The following SGCZ variants were observed in gnomAD, a reference collection of about 807,000 sequenced individuals.
SGCZ encodes the protein sarcoglycan zeta.
SGCZ carries 40 observed loss-of-function variants against 41.3 expected under a neutral mutation model. The ratio of observed to expected loss-of-function variants is 0.97; its 90% CI spans 0.75 to 1.26. SGCZ has a LOEUF of 1.26. Ranked by LOEUF, SGCZ falls within the 50% of genes most tolerant of loss-of-function variation. SGCZ has a pLI of 0.00. For synonymous variants in SGCZ, 206 were observed against 137.5 expected, an observed-to-expected ratio of 1.50 and a Z score of -3.49; for missense variants, 552 against 369.8, an observed-to-expected ratio of 1.49 and a Z score of -4.04.
chr8:15,202,839 G>A (rs1360784392), intron 1 of SGCZ, among the ~76,000 whole-genome samples: 1 of 152,104 alleles, frequency 6.6e-6, no homozygotes. Context: ...GGCCGGGCCT[G>A]GTGGCTCACA....
At chr8:14,930,354 G>A (rs1449876289) in intron 1 of SGCZ, among the ~76,000 whole-genome samples, 1 of 152,040 alleles carries the variant, frequency 6.6e-6, no homozygotes, top group Non-Finnish European at 1.5e-5. Flanking sequence ...TCGAGAGGAT[G>A]TGGAGAAATG....
intron 1 of SGCZ, among the ~76,000 whole-genome samples, chr8:14,641,143 C>G (rs746189438): frequency 6.6e-6 from 1 of 151,614 alleles, no homozygotes; most frequent in Non-Finnish European, 1.5e-5. Flanking sequence ...CTTCCAAAGA[C>G]TCTTTCCCCA....
At chr8:14,989,722 GA>G (rs1335278344) in intron 1 of SGCZ, among the ~76,000 whole-genome samples, 2 of 152,176 alleles carry the variant, frequency 1.3e-5, no homozygotes, top group African/African-American at 4.8e-5. Flanking sequence ...GTCACGAGCA[GA>G]AATGAGTGTT....
chr8:14,862,964 T>C (rs1487973795), intron 1 of SGCZ, among the ~76,000 whole-genome samples: 1 of 152,126 alleles, frequency 6.6e-6, no homozygotes, highest in Non-Finnish European at 1.5e-5. Flanking sequence ...AGTTGACTTA[T>C]AACTTGTGGC....
At chr8:14,852,741 T>C (rs1273603935) in intron 1 of SGCZ, among the ~76,000 whole-genome samples, 1 of 152,198 alleles carries the variant, frequency 6.6e-6, no homozygotes, top group African/African-American at 2.4e-5. Context: ...CAGGACCATA[T>C]TAAGGAAACA....
intron 1 of SGCZ, among the ~76,000 whole-genome samples, chr8:14,708,780 G>C (rs993687061): frequency 1.3e-5 from 2 of 151,102 alleles, no homozygotes; most frequent in African/African-American, 4.9e-5. Flanking sequence ...TATGGCTTCA[G>C]TAAGAACACA....
intron 3 of SGCZ, among the ~76,000 whole-genome samples, chr8:14,263,702 C>T (rs2117241662): frequency 6.6e-6 from 1 of 152,252 alleles, no homozygotes; most frequent in South Asian, 2.1e-4. Flanking sequence ...TGCCAAGGTA[C>T]CCTCACAAGA....
chr8:14,575,922 A>AAAAAAAAAAAAAG (rs1804695802), intron 1 of SGCZ, among the ~76,000 whole-genome samples: 1 of 150,830 alleles, frequency 6.6e-6, no homozygotes, highest in Non-Finnish European at 1.5e-5. Context: ...ACAAAAAAAA[A>AAAAAAAAAAAAAG]AAAAAAAAAA....
intron 1 of SGCZ, among the ~76,000 whole-genome samples, chr8:14,890,482 C>A (rs1362554081): frequency 6.6e-6 from 1 of 152,142 alleles, no homozygotes; most frequent in Non-Finnish European, 1.5e-5. Context: ...CCTGACTCTG[C>A]AATTCTATGA....
intron 2 of SGCZ, among the ~76,000 whole-genome samples, chr8:14,398,009 G>C (rs919017521): frequency 6.6e-6 from 1 of 152,190 alleles, no homozygotes; most frequent in East Asian, 1.9e-4. Context: ...TGCTATTTAA[G>C]TTAATGGTTC....
intron 1 of SGCZ, among the ~76,000 whole-genome samples, chr8:15,138,161 C>T (rs1357545568): frequency 6.6e-6 from 1 of 152,208 alleles, no homozygotes; most frequent in Non-Finnish European, 1.5e-5. Flanking sequence ...TTTGGACTTG[C>T]ACGCAGCCTG....
chr8:15,102,436 A>G (rs1806649606), intron 1 of SGCZ, among the ~76,000 whole-genome samples: 1 of 152,238 alleles, frequency 6.6e-6, no homozygotes, highest in Admixed American at 6.5e-5. Flanking sequence ...ATGATACTGT[A>G]ATAATGAATA....
At chr8:14,282,973 C>G (rs71524118) in intron 3 of SGCZ, among the ~76,000 whole-genome samples, 38,503 of 148,338 alleles carry the variant, frequency 0.26, 6,407 homozygotes, top group Non-Finnish European at 0.37. Flanking sequence ...CCTCAGCCTC[C>G]CGAGTAGCTG....
chr8:14,439,317 A>G (rs1214247214), intron 2 of SGCZ, among the ~76,000 whole-genome samples: 3 of 147,818 alleles, frequency 2.0e-5, no homozygotes, highest in Non-Finnish European at 4.5e-5. Context: ...AGAAATATAT[A>G]TATATATATA....
chr8:14,982,646 G>A lies in SGCZ; in HGVS notation c.39+254939C>T, dbSNP rs553663945. Among the ~76,000 whole-genome samples the A allele has an allele frequency of 4.6e-5, 7 of 152,244 alleles. No individual in the cohort carries two copies. The East Asian group carries it at 1.4e-3, about 29-fold the overall frequency. On this transcript the variant is annotated intron_variant, in intron 1 of 7. Coordinates refer to ENST00000382080, the MANE Select transcript of SGCZ (RefSeq NM_139167.4). ...GAGACTATTGTAAATGAACTAAATC[G>A]ATCTAGGTAAAGCGTTAAGTGCAGT...
At chr8:14,729,419 G>C (rs1810160756) in intron 1 of SGCZ, among the ~76,000 whole-genome samples, 1 of 152,182 alleles carries the variant, frequency 6.6e-6, no homozygotes, top group South Asian at 2.1e-4. Flanking sequence ...TTGAAGACAG[G>C]ACCTTTTAAA....
intron 3 of SGCZ, among the ~76,000 whole-genome samples, chr8:14,316,867 C>T (rs1258186441): frequency 2.0e-5 from 3 of 148,392 alleles, no homozygotes; most frequent in Non-Finnish European, 1.5e-5. Context: ...CCTGCACTTC[C>T]AACATGAAAT....
chr8:14,480,233 A>G (rs1270915293), intron 2 of SGCZ, among the ~76,000 whole-genome samples: 1 of 152,204 alleles, frequency 6.6e-6, no homozygotes, highest in Non-Finnish European at 1.5e-5. Flanking sequence ...TAAAGTACAC[A>G]ATGCCAAGTG....
chr8:14,632,351 T>C (rs1041281661), intron 1 of SGCZ, among the ~76,000 whole-genome samples: 6 of 152,032 alleles, frequency 3.9e-5, no homozygotes, highest in African/African-American at 1.4e-4. Flanking sequence ...TAGTGCATTA[T>C]CTACCATTAT....
Sources: gnomAD v4.1 joint callset for allele counts (sites outside exome capture counted in the v4.1 genomes callset) on GRCh38, gnomAD v4.1.1 for gene constraint, MANE v1.5 for transcripts, NCBI Gene and HGNC (gene_info 2026-07-23, HGNC 2026-07-21) for gene names.